Variants in RELN observed in about 807,000 individuals in gnomAD.
RELN encodes reelin.
In RELN, 108 loss-of-function variants were observed where a neutral mutation model predicts 427.6. The observed-to-expected ratio is 0.25, with a 90% confidence interval of 0.22 to 0.30. RELN has a LOEUF of 0.30. Among genes scored for constraint, RELN ranks in the 10% least tolerant of loss-of-function variants. RELN has a pLI of 1.00. For synonymous variants in RELN, 1,524 were observed against 1,513.4 expected (o/e 1.01, Z -0.16); for missense variants, 3,715 against 4,302.8 (o/e 0.86, Z 3.82).
chr7:103,530,162 G>C (rs967180185), intron 46 of RELN, among the ~76,000 whole-genome samples: 8 of 152,038 alleles, frequency 5.3e-5, no homozygotes. Flanking sequence ...CTGTCAAATG[G>C]ACATTTCCAT....
rs550523012 is a variant in RELN, at chr7:103,675,298, G to T, written c.1289+6818C>A. On this transcript the variant is annotated intron_variant, in intron 11 of 64. Transcript: ENST00000428762. ...AATTCCCATTCACAATTGCTTCAAA[G>T]AGAATAAAATACCTAGGAATCCAAC... is the stretch of plus-strand genomic sequence containing the variant. Among the ~76,000 whole-genome samples, 4 of 152,262 alleles carry T rather than the reference G, an allele frequency of 2.6e-5. No individual in the cohort carries two copies. The South Asian group carries it at 8.3e-4, about 32-fold the overall frequency.
intron 2 of RELN, among the ~76,000 whole-genome samples, chr7:103,883,087 C>T (rs947952264): frequency 6.6e-6 from 1 of 152,136 alleles, no homozygotes; most frequent in African/African-American, 2.4e-5. Flanking sequence ...TCCTATCCAC[C>T]ACAATCAAGT....
At chr7:103,542,601 A>G (rs1454794605) in intron 43 of RELN, 130 bp downstream of exon 43, 2 of 890,148 alleles carry the variant, frequency 2.2e-6, no homozygotes, top group African/African-American at 3.4e-5. Flanking sequence ...AGCTTTGATA[A>G]AGAGAGAAGT....
intron 3 of RELN, among the ~76,000 whole-genome samples, chr7:103,807,528 A>G (rs1262438826): frequency 6.6e-6 from 1 of 152,094 alleles, no homozygotes; most frequent in African/African-American, 2.4e-5. Flanking sequence ...ATTGCATGTC[A>G]CTGAGGCTTG....
At chr7:103,751,034 T>C (rs1420053917) in intron 5 of RELN, among the ~76,000 whole-genome samples, 1 of 152,108 alleles carries the variant, frequency 6.6e-6, no homozygotes, top group East Asian at 1.9e-4. Flanking sequence ...ATTTTAAAGG[T>C]TGTGTGAGAA....
intron 31 of RELN, among the ~76,000 whole-genome samples, chr7:103,571,015 T>C (rs1161139570): frequency 6.6e-6 from 1 of 152,206 alleles, no homozygotes; most frequent in East Asian, 1.9e-4. Flanking sequence ...TATAAAAGCT[T>C]CTATACTGCT....
chr7:103,526,764 G>A (rs1411027316), intron 46 of RELN, among the ~76,000 whole-genome samples: 2 of 151,984 alleles, frequency 1.3e-5, no homozygotes, highest in Admixed American at 6.6e-5. Context: ...GCTACTTTCC[G>A]CCTCACAAGG....
rs561943729 is a variant in RELN, at chr7:103,738,458, A to C, written c.657-10251T>G. Among the ~76,000 whole-genome samples the C allele has an allele frequency of 8.7e-4, 133 of 152,046 alleles. 1 individual carries two copies. The highest frequency in any genetic ancestry group is 3.0e-3 in the African/African-American group (126 of 41,464). On this transcript the variant is annotated intron_variant, in intron 6 of 64. Transcript: ENST00000428762. The stretch of plus-strand genomic sequence containing the variant: ...ACACACAATGAGATACGCAGATCTC[A>C]GGTTCTGAAAATGCATCCATCTATG...
chr7:103,901,281 C>A (rs549912792), intron 2 of RELN, among the ~76,000 whole-genome samples: 4 of 152,148 alleles, frequency 2.6e-5, no homozygotes, highest in Non-Finnish European at 1.5e-5. Flanking sequence ...TGTGGAGAAA[C>A]TGAACCTCTC....
intron 3 of RELN, among the ~76,000 whole-genome samples, chr7:103,779,532 A>T (rs1791833489): frequency 1.3e-5 from 2 of 152,154 alleles, no homozygotes. Flanking sequence ...TTTTCCTCGG[A>T]CACAGAGCTA....
intron 4 of RELN, among the ~76,000 whole-genome samples, chr7:103,774,547 TGTG>T (rs1471001936): frequency 2.6e-5 from 4 of 152,198 alleles, no homozygotes; most frequent in African/African-American, 9.6e-5. Context: ...GGCACTGTGC[TGTG>T]GTATATGGTG....
At chr7:103,544,411 G>C (rs6950809) in intron 42 of RELN, among the ~76,000 whole-genome samples, 3 of 151,600 alleles carry the variant, frequency 2.0e-5, no homozygotes, top group Admixed American at 1.3e-4. Flanking sequence ...ATTTTTAGTA[G>C]AGATGGGGTT....
At chr7:103,772,308 T>C (rs1171169083) in intron 4 of RELN, among the ~76,000 whole-genome samples, 2 of 132,012 alleles carry the variant, frequency 1.5e-5, no homozygotes, top group East Asian at 4.5e-4. Flanking sequence ...AATAAATAGT[T>C]GTCAAATGAA....
intron 2 of RELN, among the ~76,000 whole-genome samples, chr7:103,911,238 A>C (rs1795358258): frequency 6.8e-6 from 1 of 146,586 alleles, no homozygotes; most frequent in Non-Finnish European, 1.5e-5. Context: ...ATGCAGCCAA[A>C]AAACACATGA....
intron 49 of RELN, among the ~76,000 whole-genome samples, chr7:103,516,078 T>C (rs1051851132): frequency 3.3e-5 from 5 of 152,160 alleles, no homozygotes; most frequent in African/African-American, 1.2e-4. Flanking sequence ...TATCCCTGTC[T>C]CACTCACCAG....
At chr7:103,684,541 T>C (rs1406338202) in intron 10 of RELN, among the ~76,000 whole-genome samples, 1 of 152,060 alleles carries the variant, frequency 6.6e-6, no homozygotes, top group Admixed American at 6.6e-5. Context: ...AGAACAAAAA[T>C]TGGAAACCAA....
Position 103,700,949 on chromosome 7 carries a change from T to C in RELN, c.863A>G (p.Lys288Arg), listed in dbSNP as rs1834077695. ...CTGAATCCAGTCCGCAGAGTTATTC[T>C]TGGCATATAACACGATGATGCTGGG... ...SDPSIIVLYA[K>R]NNSADWIQLE... Residue 288 changes from lysine to arginine, a missense_variant, in exon 9 of 65, where the codon AAG (lysine) becomes AGG (arginine). By Grantham distance (26) the Lys-to-Arg change is conservative. Transcript: ENST00000428762. The C allele has an allele frequency of 1.9e-6, 3 of 1,612,386 alleles. No homozygotes were observed. Among genetic ancestry groups the C allele is most frequent in the African/African-American group, 2.7e-5 (2 of 74,900 alleles).
At position 103,754,923 on chromosome 7, in the gene RELN, T is replaced by C. The variant is rs1791095985; in HGVS notation, c.545-1709A>G. On this transcript the variant is annotated intron_variant, in intron 4 of 64. Transcript: ENST00000428762. The stretch of plus-strand genomic sequence containing the variant: ...AAAAGAGTTTTAAGAGCTAAGAGAG[T>C]TGAAGGAGAGGCCAAAATAATCCTA... Among the ~76,000 whole-genome samples, 4 of 151,606 alleles carry C rather than the reference T, an allele frequency of 2.6e-5. No individual in the cohort carries two copies. The South Asian group carries it at 8.3e-4, about 32-fold the overall frequency.
chr7:103,609,832 A>C (rs972729574), intron 22 of RELN, among the ~76,000 whole-genome samples: 2 of 152,168 alleles, frequency 1.3e-5, no homozygotes, highest in Admixed American at 6.5e-5. Context: ...ATAATATAAT[A>C]CTTATCTCTT....
Sources: allele counts gnomAD v4.1 joint callset (sites outside exome capture counted in the v4.1 genomes callset), GRCh38; gene constraint gnomAD v4.1.1; transcripts MANE v1.5; gene names NCBI Gene and HGNC (gene_info 2026-07-23, HGNC 2026-07-21).